NAGK: variants seen among roughly 807,000 people sequenced by gnomAD.
NAGK encodes the protein N-acetyl-D-glucosamine kinase.
In NAGK, 35 loss-of-function variants were observed where a neutral mutation model predicts 42.9. The observed-to-expected ratio is 0.82, with a 90% CI of 0.62 to 1.08. The LOEUF (loss-of-function observed/expected upper bound fraction) is 1.08, where lower values mean the gene tolerates loss of function less well. NAGK is among the 50% of genes least tolerant of loss of function. The pLI is 0.00. For missense variants in NAGK, 446 were observed against 446.0 expected (o/e 1.00, Z 0.00); for synonymous variants, 172 against 176.0 (o/e 0.98, Z 0.18).
rs539360965 is a variant in NAGK, at chr2:71,075,842, A to G, written c.667+200A>G. On this transcript the variant is annotated intron_variant, in intron 7 of 9. Transcript: ENST00000244204. Reference sequence around the variant, plus strand: ...ACGTGGGTCGTGTTGACAGTTTTGTATTACCTGTGTTTTTTTCTTTAATAG... The same window carrying G: ...ACGTGGGTCGTGTTGACAGTTTTGTGTTACCTGTGTTTTTTTCTTTAATAG... The G allele has an allele frequency of 1.1e-4, 62 of 586,310 alleles. No individual in the cohort carries two copies. In the South Asian group the frequency reaches 1.3e-3, roughly 12 times the overall value. 36.3% of individuals were successfully genotyped at this position (586,310 alleles called of 1,614,324 possible). A position where few individuals can be genotyped will look rare whatever the true frequency, so the allele number is the denominator to read the frequency against.
intron 3 of NAGK, 57 bp from the exon 4 acceptor site, chr2:71,071,629 T>C (rs543836568): frequency 2.7e-5 from 41 of 1,541,106 alleles, no homozygotes; most frequent in South Asian, 1.6e-4. Context: ...GGGCGGGGGT[T>C]GAGAAAAGAG....
At chr2:71,077,677 G>A (rs1293313060) in intron 9 of NAGK, 41 bp downstream of exon 9, 10 of 1,569,878 alleles carry the variant, frequency 6.4e-6, no homozygotes, top group East Asian at 2.4e-5. Context: ...GGCAGGGGAC[G>A]GGGCTGGAAA....
upstream of NAGK, chr2:71,068,582 G>C (rs1310778628): frequency 1.3e-6 from 2 of 1,520,404 alleles, no homozygotes; most frequent in Non-Finnish European, 1.8e-6. Flanking sequence ...GGCTGCGCGG[G>C]AGGTCACGGG....
rs770675833 is a variant in NAGK at position 71,070,719 on chromosome 2, T to C, written c.115-22T>C. 3 of 1,613,654 alleles carry C rather than the reference T, an allele frequency of 1.9e-6. No individual in the cohort carries two copies. The South Asian group carries it at 3.3e-5, about 18-fold the overall frequency. ...AGCTTCTGTAAGCCTTTGTAACTCCTTCTTCCCTTGATTGGGGCCAGCTGA... is the reference window on the plus strand; with the variant it reads ...AGCTTCTGTAAGCCTTTGTAACTCCCTCTTCCCTTGATTGGGGCCAGCTGA... On this transcript the variant is annotated intron_variant, in intron 2 of 9. Coordinates refer to ENST00000244204, the MANE Select transcript of NAGK (RefSeq NM_017567.6).
Position 71,076,718 on chromosome 2 carries a change from G to A in NAGK, c.765+17G>A, listed in dbSNP as rs757949554. 3 of 1,605,886 alleles carry A rather than the reference G, an allele frequency of 1.9e-6. No homozygotes were observed. Among genetic ancestry groups the A allele is most frequent in the East Asian group, 2.2e-5 (1 of 44,832 alleles). ...ATTGACCCGGTGAGTTGAGGTGGGA[G>A]TGAAGGTGGGGAGCTGCTGGGTGAG... On this transcript the variant is annotated intron_variant, in intron 8 of 9. Transcript: ENST00000244204.
At chr2:71,070,257 T>C in intron 1 of NAGK, 6 of 415,280 alleles carry the variant, frequency 1.4e-5, no homozygotes, top group South Asian at 6.8e-5. Context: ...TTTCGAGGAC[T>C]AGGTGAAGCG....
chr2:71,068,955 C>T, intron 1 of NAGK: 3 of 1,268,228 alleles, frequency 2.4e-6, no homozygotes, highest in Non-Finnish European at 3.0e-6. Context: ...TTGGCGGAAC[C>T]ACGCCCCTTT....
intron 3 of NAGK, chr2:71,071,208 C>T (rs12996507): frequency 0.14 from 47,954 of 335,706 alleles, 3,698 homozygotes; most frequent in Middle Eastern, 0.18. Flanking sequence ...TGATACATTG[C>T]AAAGTGGTTA....
chr2:71,075,131 T>TA (rs1672161685), intron 6 of NAGK: 1 of 158,522 alleles, frequency 6.3e-6, no homozygotes, highest in South Asian at 1.8e-4. Flanking sequence ...CAATATGCAA[T>TA]ATTCCTTGGA....
In NAGK at chr2:71,068,714, T is replaced by A. The variant is rs1671882553; in HGVS notation, c.29+2T>A. On this transcript the variant is annotated splice_donor_variant, in intron 1 of 9. Coordinates refer to ENST00000244204, the MANE Select transcript of NAGK (RefSeq NM_017567.6). LOFTEE classifies it high-confidence loss of function. The stretch of plus-strand genomic sequence containing the variant: ...CGCGATCTATGGGGGTGTAGAGGGG[T>A]GAGTGCGGCCCGGCGGAGGGAGCCT... The A allele has an allele frequency of 6.8e-7, 1 of 1,470,866 alleles. No individual in the cohort carries two copies. The highest frequency in any genetic ancestry group is 2.9e-5 in the Admixed American group (1 of 34,346). The allele number at this position is 1,470,866 out of a possible 1,614,324, so 91.1% of individuals were successfully genotyped here.
intron 8 of NAGK, 52 bp downstream of exon 8, chr2:71,076,753 T>C (rs749266508): frequency 9.6e-6 from 14 of 1,451,676 alleles, no homozygotes; most frequent in African/African-American, 1.4e-5. Flanking sequence ...GGAGTGGTCC[T>C]TTCCCACTGT....
chr2:71,070,234 A>G, intron 1 of NAGK: 1 of 370,396 alleles, frequency 2.7e-6, no homozygotes, highest in South Asian at 2.5e-5. Flanking sequence ...GGTGGGCCAC[A>G]CCTCAGAAAA....
intron 1 of NAGK, chr2:71,069,231 T>A: frequency 2.4e-6 from 1 of 411,114 alleles, no homozygotes; most frequent in Non-Finnish European, 3.3e-6. Context: ...CTGCTTTCAC[T>A]AGATTGCATT....
At chr2:71,070,187 G>A in intron 1 of NAGK, 1 of 309,728 alleles carries the variant, frequency 3.2e-6, no homozygotes. Flanking sequence ...GAGGCACTAT[G>A]AAGGTTTAAC....
upstream of NAGK, chr2:71,068,552 A>T: frequency 1.3e-6 from 2 of 1,483,086 alleles, no homozygotes; most frequent in Non-Finnish European, 9.0e-7. Flanking sequence ...GCGCATGCGC[A>T]CGCGCACAGG....
chr2:71,074,064 C>T (rs780496542), intron 6 of NAGK, among the ~76,000 whole-genome samples: 3 of 152,068 alleles, frequency 2.0e-5, no homozygotes, highest in Non-Finnish European at 4.4e-5. Context: ...CTCCTCTGGG[C>T]GTTGGGGATT....
chr2:71,068,396 T>C, upstream of NAGK: 1 of 1,122,114 alleles, frequency 8.9e-7, no homozygotes, highest in South Asian at 1.9e-5. Context: ...TTCCTCCTCT[T>C]GGGATTAGTG....
rs772840520 is a variant in NAGK, at chr2:71,076,561, C to T, written c.668-43C>T. ...AGGATAGCCCAGGAATGGCAGCTCC[C>T]TCCTTTCTCACCAGTTTCCTTCTTC... On this transcript the variant is annotated intron_variant, in intron 7 of 9. Transcript: ENST00000244204. The T allele has an allele frequency of 8.1e-5, 121 of 1,499,160 alleles. No homozygotes were observed. In the East Asian group the frequency reaches 2.7e-3, roughly 33 times the overall value. The allele number at this position is 1,499,160 out of a possible 1,614,324, so 92.9% of individuals were successfully genotyped here.
At chr2:71,073,149 A>T (rs1182160074) in intron 5 of NAGK, 6 of 470,516 alleles carry the variant, frequency 1.3e-5, no homozygotes, top group Non-Finnish European at 2.3e-5. Flanking sequence ...TTATTTTCAT[A>T]GGGGCCCTTG....
Sources: allele counts gnomAD v4.1 joint callset (sites outside exome capture counted in the v4.1 genomes callset), GRCh38; gene constraint gnomAD v4.1.1; transcripts MANE v1.5; gene names NCBI Gene and HGNC (gene_info 2026-07-23, HGNC 2026-07-21).